Variants in NRG4 observed in about 807,000 individuals in gnomAD.
NRG4 encodes the protein neuregulin 4.
Under a neutral mutation model 15.0 loss-of-function variants are expected in NRG4, and 10 were observed. The ratio of observed to expected loss-of-function variants is 0.67; its 90% CI spans 0.41 to 1.13. The LOEUF (loss-of-function observed/expected upper bound fraction) is 1.13, where lower values mean the gene tolerates loss of function less well. Ranked by LOEUF, NRG4 falls within the 50% of genes most tolerant of loss-of-function variation. The probability of loss-of-function intolerance (pLI) is 0.00; values close to 1 mark genes in which losing one functional copy is unlikely to be tolerated. For synonymous variants in NRG4, 41 were observed against 50.1 expected (o/e 0.82, Z 0.77); for missense variants, 139 against 140.2 (o/e 0.99, Z 0.04).
At chr15:76,000,457 A>T (rs1161297286) in intron 3 of NRG4, among the ~76,000 whole-genome samples, 1 of 152,192 alleles carries the variant, frequency 6.6e-6, no homozygotes, top group Non-Finnish European at 1.5e-5. Context: ...TTTCCTCATA[A>T]CTAGGAAAAT....
intron 3 of NRG4, among the ~76,000 whole-genome samples, chr15:75,979,384 CCTCT>C (rs1461570095): frequency 6.6e-6 from 1 of 152,080 alleles, no homozygotes; most frequent in Non-Finnish European, 1.5e-5. Flanking sequence ...TGGATTTTGA[CCTCT>C]CTTTTTCTGT....
At chr15:75,997,106 TGA>T (rs565741584) in intron 3 of NRG4, among the ~76,000 whole-genome samples, 330 of 152,208 alleles carry the variant, frequency 2.2e-3, no homozygotes, top group African/African-American at 7.2e-3. Context: ...ATACATTTAA[TGA>T]GAGAAAAAAA....
At chr15:76,050,221 G>A (rs531182434) in intron 4 of NRG4, among the ~76,000 whole-genome samples, 1 of 150,950 alleles carries the variant, frequency 6.6e-6, no homozygotes, top group South Asian at 2.1e-4. Flanking sequence ...CTCAGCAGAT[G>A]TTCACTACTT....
intron 3 of NRG4, among the ~76,000 whole-genome samples, chr15:75,996,286 T>C (rs1021989213): frequency 2.1e-4 from 32 of 151,294 alleles, no homozygotes; most frequent in African/African-American, 6.8e-4. Context: ...CATTTAACTC[T>C]TAACAATCTA....
intron 3 of NRG4, among the ~76,000 whole-genome samples, chr15:76,006,806 G>A (rs970156929): frequency 3.3e-5 from 5 of 152,140 alleles, no homozygotes; most frequent in Non-Finnish European, 7.3e-5. Context: ...TCTATCCAAC[G>A]TACAAAAGCA....
intron 4 of NRG4, among the ~76,000 whole-genome samples, chr15:76,043,903 G>A (rs1044554463): frequency 2.0e-5 from 3 of 152,128 alleles, no homozygotes; most frequent in African/African-American, 7.2e-5. Flanking sequence ...CAGACCTACT[G>A]TAACCAAAAC....
chr15:75,968,119 A>G (rs2032907967), intron 3 of NRG4, among the ~76,000 whole-genome samples: 1 of 152,218 alleles, frequency 6.6e-6, no homozygotes, highest in Non-Finnish European at 1.5e-5. Flanking sequence ...ACTTTTTGGG[A>G]AAAACACCCA....
intron 3 of NRG4, among the ~76,000 whole-genome samples, chr15:75,991,437 G>A (rs528574212): frequency 1.3e-5 from 2 of 152,306 alleles, no homozygotes; most frequent in East Asian, 3.9e-4. Context: ...GTCATAGTTT[G>A]CTGATCTTTG....
chr15:76,007,461 G>T (rs1013941010), intron 3 of NRG4, among the ~76,000 whole-genome samples: 1 of 135,808 alleles, frequency 7.4e-6, no homozygotes, highest in African/African-American at 2.8e-5. Context: ...ACGGAGTCTC[G>T]CTCTGTCGCC....
At chr15:76,030,973 A>G (rs550958192) in intron 5 of NRG4, among the ~76,000 whole-genome samples, 3 of 152,338 alleles carry the variant, frequency 2.0e-5, no homozygotes, top group African/African-American at 7.2e-5. Context: ...ATAGACCAAA[A>G]AAATCCTTAA....
At chr15:75,999,739 C>T (rs1286277432) in intron 3 of NRG4, among the ~76,000 whole-genome samples, 2 of 152,156 alleles carry the variant, frequency 1.3e-5, no homozygotes, top group African/African-American at 2.4e-5. Context: ...AAAACATATA[C>T]ATAATCCAAA....
chr15:76,043,935 T>C (rs2035804551), intron 4 of NRG4, among the ~76,000 whole-genome samples: 1 of 151,540 alleles, frequency 6.6e-6, no homozygotes, highest in Non-Finnish European at 1.5e-5. Context: ...GGCATAAAAA[T>C]AGATACATAG....
chr15:75,997,008 T>C (rs1011165639), intron 3 of NRG4, among the ~76,000 whole-genome samples: 4 of 152,110 alleles, frequency 2.6e-5, no homozygotes, highest in Admixed American at 6.5e-5. Flanking sequence ...TAAGGCTTTT[T>C]TTCATGATCT....
chr15:75,976,236 T>C (rs2141842112), intron 3 of NRG4, among the ~76,000 whole-genome samples: 1 of 152,332 alleles, frequency 6.6e-6, no homozygotes, highest in South Asian at 2.1e-4. Context: ...GCAGTTCCTC[T>C]AACCTTTTTT....
intron 2 of NRG4, among the ~76,000 whole-genome samples, chr15:76,056,180 G>C (rs1232325002): frequency 6.6e-6 from 1 of 152,192 alleles, no homozygotes; most frequent in African/African-American, 2.4e-5. Context: ...GGGCGCAGTG[G>C]CTCACGCCTG....
At chr15:75,966,145 G>A (rs1442433686) in intron 3 of NRG4, among the ~76,000 whole-genome samples, 2 of 152,140 alleles carry the variant, frequency 1.3e-5, no homozygotes, top group African/African-American at 2.4e-5. Flanking sequence ...CAGAAGCTAC[G>A]TTTAGTACAT....
At position 75,961,954 on chromosome 15, in the gene NRG4, C is replaced by T; in HGVS notation, c.125G>A (p.Gly42Glu). 2 of 1,612,716 alleles carry T rather than the reference C, an allele frequency of 1.2e-6. No homozygotes were observed. The highest frequency in any genetic ancestry group is 1.7e-6 in the Non-Finnish European group (2 of 1,179,250). ...PFCRCVENYT[G>E]ARCEEVFLPG... is the part of the protein sequence containing the mutation. Reference sequence around the variant, plus strand: ...GAGAAAAACCTCTTCACAACGAGCTCCTGTATAGTTTTCAACGCACCTACA... The same window carrying T: ...GAGAAAAACCTCTTCACAACGAGCTTCTGTATAGTTTTCAACGCACCTACA... Residue 42 changes from glycine to glutamate, a missense_variant, in exon 4 of 6, where the codon GGA (glycine) becomes GAA (glutamate). Physicochemically the swap from Gly to Glu is moderately conservative, Grantham distance 98. Transcript: ENST00000394907.
downstream of NRG4, chr15:75,940,242 C>T (rs1229010932): frequency 1.3e-5 from 2 of 152,102 alleles, no homozygotes; most frequent in African/African-American, 4.8e-5. Context: ...TCCCATTTAC[C>T]ATAGCGTCAA....
chr15:76,027,660 G>C (rs1419516340), intron 5 of NRG4, among the ~76,000 whole-genome samples: 2 of 152,084 alleles, frequency 1.3e-5, no homozygotes, highest in Non-Finnish European at 2.9e-5. Context: ...AATCAACAAA[G>C]ACACACTGGA....
Sources: gnomAD v4.1 joint callset for allele counts (sites outside exome capture counted in the v4.1 genomes callset) on GRCh38, gnomAD v4.1.1 for gene constraint, MANE v1.5 for transcripts, NCBI Gene and HGNC (gene_info 2026-07-23, HGNC 2026-07-21) for gene names.